The following ARHGAP28 variants were observed in gnomAD, a reference collection of about 807,000 sequenced individuals.
The protein encoded by ARHGAP28 is rho GTPase-activating protein 28.
ARHGAP28 carries 56 observed loss-of-function variants against 90.7 expected under a neutral mutation model. The observed-to-expected ratio is 0.62, with a 90% CI of 0.50 to 0.77. The LOEUF (loss-of-function observed/expected upper bound fraction) is 0.77, where lower values mean the gene tolerates loss of function less well. Ranked by LOEUF, ARHGAP28 falls within the 30% of genes least tolerant of loss-of-function variation. The probability of loss-of-function intolerance (pLI) is 0.00; values close to 1 mark genes in which losing one functional copy is unlikely to be tolerated. For missense variants in ARHGAP28, 869 were observed against 900.9 expected (o/e 0.96, Z 0.45); for synonymous variants, 308 against 323.3 (o/e 0.95, Z 0.51).
intron 1 of ARHGAP28, among the ~76,000 whole-genome samples, chr18:6,796,239 A>G (rs1249312705): frequency 6.6e-6 from 1 of 152,214 alleles, no homozygotes; most frequent in Non-Finnish European, 1.5e-5. Flanking sequence ...GCACACACGC[A>G]TTCATGTATT....
chr18:6,842,040 ATTTATGCCTTCATTC>A (rs1218918993), intron 3 of ARHGAP28, among the ~76,000 whole-genome samples: 1 of 152,112 alleles, frequency 6.6e-6, no homozygotes, highest in Non-Finnish European at 1.5e-5. Context: ...CTGTTTTAAC[ATTTATGCCTTCATTC>A]TTTAAAAATT....
chr18:6,819,334 A>G (rs2143737158), intron 1 of ARHGAP28, among the ~76,000 whole-genome samples: 1 of 152,322 alleles, frequency 6.6e-6, no homozygotes, highest in East Asian at 1.9e-4. Context: ...AAAAAAAAGG[A>G]ATAAATATAA....
intron 3 of ARHGAP28, among the ~76,000 whole-genome samples, chr18:6,848,926 T>G (rs1336893688): frequency 6.6e-6 from 1 of 152,046 alleles, no homozygotes; most frequent in East Asian, 1.9e-4. Flanking sequence ...GCCTTTCATT[T>G]CAAATCATTG....
chr18:6,850,784 GT>G (rs1394836249), intron 3 of ARHGAP28: 8 of 1,513,294 alleles, frequency 5.3e-6, no homozygotes, highest in Non-Finnish European at 1.8e-6. Flanking sequence ...AAGAAAGTGG[GT>G]TTTGGCAGGA....
intron 5 of ARHGAP28, among the ~76,000 whole-genome samples, chr18:6,867,109 G>A (rs1379856042): frequency 1.3e-5 from 2 of 151,958 alleles, no homozygotes; most frequent in Admixed American, 6.6e-5. Flanking sequence ...CAGTAATTGG[G>A]CATCTATGTT....
At chr18:6,849,653 G>A (rs1205092394) in intron 3 of ARHGAP28, among the ~76,000 whole-genome samples, 1 of 152,186 alleles carries the variant, frequency 6.6e-6, no homozygotes, top group Admixed American at 6.5e-5. Context: ...CTACAGTAAT[G>A]TATAGCTATT....
intron 1 of ARHGAP28, among the ~76,000 whole-genome samples, chr18:6,812,476 A>G (rs2056563605): frequency 6.6e-6 from 1 of 152,192 alleles, no homozygotes; most frequent in South Asian, 2.1e-4. Flanking sequence ...TAAGGCAGTA[A>G]CATTACTGGA....
chr18:6,802,819 C>A lies in ARHGAP28; in HGVS notation c.123-21943C>A, dbSNP rs72893663. Among the ~76,000 whole-genome samples the A allele has an allele frequency of 2.6e-3, 391 of 152,230 alleles. 1 individual carries two copies. The highest frequency in any genetic ancestry group is 4.5e-3 in the Non-Finnish European group (308 of 68,010). ...AGCAATGTTTGCAGTGTTCAGTGTACAGATCTTGCACATCTTTTGTTAGAA... is the reference window on the plus strand; with the variant it reads ...AGCAATGTTTGCAGTGTTCAGTGTAAAGATCTTGCACATCTTTTGTTAGAA... On this transcript the variant is annotated intron_variant, in intron 1 of 17. Transcript: ENST00000383472.
At chr18:6,797,424 C>A (rs532981551) in intron 1 of ARHGAP28, among the ~76,000 whole-genome samples, 11 of 152,292 alleles carry the variant, frequency 7.2e-5, no homozygotes, top group African/African-American at 2.4e-4. Context: ...ATTGTCCTGG[C>A]AGTTGTCTCT....
chr18:6,824,190 A>G (rs1367353692), intron 1 of ARHGAP28, among the ~76,000 whole-genome samples: 2 of 152,190 alleles, frequency 1.3e-5, no homozygotes, highest in African/African-American at 4.8e-5. Flanking sequence ...TGTGAAAATG[A>G]TTAAAAACAT....
intron 3 of ARHGAP28, among the ~76,000 whole-genome samples, chr18:6,846,764 G>A (rs2056869363): frequency 6.6e-6 from 1 of 152,122 alleles, no homozygotes; most frequent in Non-Finnish European, 1.5e-5. Flanking sequence ...TGAGCCTTAT[G>A]TCCCACCTGG....
chr18:6,779,867 C>G (rs772492557), intron 1 of ARHGAP28, among the ~76,000 whole-genome samples: 2 of 152,206 alleles, frequency 1.3e-5, no homozygotes, highest in African/African-American at 2.4e-5. Flanking sequence ...AACCATCCTG[C>G]TACAAAAGTA....
intron 1 of ARHGAP28, among the ~76,000 whole-genome samples, chr18:6,794,207 T>C (rs2056425727): frequency 6.6e-6 from 1 of 152,212 alleles, no homozygotes; most frequent in Non-Finnish European, 1.5e-5. Flanking sequence ...CCTCTTTTGA[T>C]CCTCCCCACA....
At chr18:6,751,719 G>A (rs551061994) in intron 1 of ARHGAP28, among the ~76,000 whole-genome samples, 13 of 152,290 alleles carry the variant, frequency 8.5e-5, no homozygotes, top group Non-Finnish European at 1.2e-4. Flanking sequence ...GCCAGCCCTG[G>A]CAACAGCAGT....
At chr18:6,798,717 T>C (rs972039935) in intron 1 of ARHGAP28, among the ~76,000 whole-genome samples, 6 of 152,124 alleles carry the variant, frequency 3.9e-5, no homozygotes, top group African/African-American at 1.2e-4. Context: ...AGACTACATA[T>C]TGGGTACAGT....
intron 11 of ARHGAP28, among the ~76,000 whole-genome samples, chr18:6,886,350 T>G (rs991625361): frequency 7.2e-5 from 11 of 152,134 alleles, no homozygotes; most frequent in Non-Finnish European, 1.3e-4. Context: ...TCTGGTGTAT[T>G]CTAAATTTTC....
chr18:6,732,221 A>G (rs1307817979), intron 1 of ARHGAP28, among the ~76,000 whole-genome samples: 1 of 152,024 alleles, frequency 6.6e-6, no homozygotes, highest in African/African-American at 2.4e-5. Context: ...CCCAATAAAT[A>G]TTTGTTGAGT....
At chr18:6,744,464 T>C (rs1371133006) in intron 1 of ARHGAP28, among the ~76,000 whole-genome samples, 1 of 152,140 alleles carries the variant, frequency 6.6e-6, no homozygotes, top group Non-Finnish European at 1.5e-5. Context: ...TATTATTAAG[T>C]TGGAAGTGAG....
intron 1 of ARHGAP28, among the ~76,000 whole-genome samples, chr18:6,769,640 G>A (rs1284890278): frequency 6.6e-6 from 1 of 152,222 alleles, no homozygotes; most frequent in Non-Finnish European, 1.5e-5. Context: ...ATGCACCTAT[G>A]TTGTGCCAAA....
Sources: allele counts gnomAD v4.1 joint callset (sites outside exome capture counted in the v4.1 genomes callset), GRCh38; gene constraint gnomAD v4.1.1; transcripts MANE v1.5; gene names NCBI Gene and HGNC (gene_info 2026-07-23, HGNC 2026-07-21).